PHACTR3: variants seen among roughly 807,000 people sequenced by gnomAD.
PHACTR3 encodes the protein phosphatase and actin regulator 3.
Under a neutral mutation model 66.8 loss-of-function variants are expected in PHACTR3, and 16 were observed. The ratio of observed to expected loss-of-function variants is 0.24; its 90% confidence interval spans 0.16 to 0.36. The LOEUF (loss-of-function observed/expected upper bound fraction) is 0.36. PHACTR3 is among the 10% of genes least tolerant of loss of function. The pLI is 1.00. For missense variants in PHACTR3, 647 were observed against 719.9 expected (o/e 0.90, Z 1.16); for synonymous variants, 323 against 292.1 (o/e 1.11, Z -1.08).
At chr20:59,702,096 T>C (rs1387538952) in intron 1 of PHACTR3, among the ~76,000 whole-genome samples, 1 of 152,278 alleles carries the variant, frequency 6.6e-6, no homozygotes, top group Non-Finnish European at 1.5e-5. Flanking sequence ...CCAATTTGTT[T>C]ATCCATTTAC....
chr20:59,797,321 T>C (rs2041277968), intron 7 of PHACTR3, among the ~76,000 whole-genome samples: 1 of 152,176 alleles, frequency 6.6e-6, no homozygotes, highest in Non-Finnish European at 1.5e-5. Context: ...TCTCATGCGA[T>C]TCATAAAGTT....
intron 1 of PHACTR3, among the ~76,000 whole-genome samples, chr20:59,633,960 T>A (rs2034759166): frequency 6.6e-6 from 1 of 152,228 alleles, no homozygotes; most frequent in Non-Finnish European, 1.5e-5. Flanking sequence ...TTCCAAAGAA[T>A]ATTTTCTCCC....
intron 1 of PHACTR3, among the ~76,000 whole-genome samples, chr20:59,708,282 T>G (rs2037786448): frequency 6.6e-6 from 1 of 152,198 alleles, no homozygotes; most frequent in Admixed American, 6.5e-5. Context: ...ATGGTGCCTG[T>G]GTCTCTCTAA....
intron 2 of PHACTR3, among the ~76,000 whole-genome samples, chr20:59,743,680 C>T (rs1047734542): frequency 6.6e-6 from 1 of 152,262 alleles, no homozygotes; most frequent in Admixed American, 6.5e-5. Flanking sequence ...CCTCACCTCC[C>T]ACACCTGCAA....
chr20:59,769,035 A>T (rs2040279036), intron 5 of PHACTR3, among the ~76,000 whole-genome samples: 1 of 152,096 alleles, frequency 6.6e-6, no homozygotes, highest in African/African-American at 2.4e-5. Flanking sequence ...CCACCCCACC[A>T]CCCTGAGACT....
At chr20:59,797,846 C>T (rs1337972516) in intron 7 of PHACTR3, among the ~76,000 whole-genome samples, 4 of 151,894 alleles carry the variant, frequency 2.6e-5, no homozygotes, top group Admixed American at 1.3e-4. Flanking sequence ...TGGTGTATCA[C>T]AATTTTTATA....
chr20:59,613,381 A>T (rs945781346), intron 1 of PHACTR3, among the ~76,000 whole-genome samples: 7 of 152,160 alleles, frequency 4.6e-5, no homozygotes, highest in African/African-American at 1.7e-4. Flanking sequence ...AGGCAGGACA[A>T]AGAGGGTAGG....
At chr20:59,722,416 G>A (rs1292678815) in intron 1 of PHACTR3, among the ~76,000 whole-genome samples, 1 of 152,150 alleles carries the variant, frequency 6.6e-6, no homozygotes, top group Non-Finnish European at 1.5e-5. Context: ...AAGGCCCTGA[G>A]GCAGCAACAA....
intron 8 of PHACTR3, among the ~76,000 whole-genome samples, chr20:59,827,858 G>C (rs1024064759): frequency 1.3e-5 from 2 of 152,176 alleles, no homozygotes; most frequent in South Asian, 4.1e-4. Context: ...GCTTCCTGGT[G>C]GAGTTGAAGT....
rs116602793 is a variant in PHACTR3, at chr20:59,726,596, G to A, written c.119-16511G>A. Among the ~76,000 whole-genome samples the A allele has an allele frequency of 2.3e-3, 344 of 152,222 alleles. 1 individual carries two copies. The highest frequency in any genetic ancestry group is 7.8e-3 in the African/African-American group (324 of 41,548). ...CTTGGTAGGGAGTTCCACAGGATGA[G>A]GACATGCTTTTTGTGTTTTTCTTTG... is the stretch of plus-strand genomic sequence containing the variant. On this transcript the variant is annotated intron_variant, in intron 1 of 12. Coordinates refer to ENST00000371015, the MANE Select transcript of PHACTR3 (RefSeq NM_080672.5).
At chr20:59,716,105 C>T (rs547250747) in intron 1 of PHACTR3, among the ~76,000 whole-genome samples, 10 of 152,214 alleles carry the variant, frequency 6.6e-5, no homozygotes, top group African/African-American at 2.4e-4. Flanking sequence ...GCTCACTCCA[C>T]TCCAGGGCTC....
At chr20:59,599,266 C>A (rs1163753014) in intron 1 of PHACTR3, among the ~76,000 whole-genome samples, 1 of 152,176 alleles carries the variant, frequency 6.6e-6, no homozygotes, top group East Asian at 1.9e-4. Context: ...AGACTACGAC[C>A]TCCCAGGCAC....
chr20:59,682,691 G>C (rs2036708401), intron 1 of PHACTR3, among the ~76,000 whole-genome samples: 1 of 152,356 alleles, frequency 6.6e-6, no homozygotes, highest in East Asian at 1.9e-4. Context: ...TGAAGGCGGT[G>C]AGGAAGTGAG....
chr20:59,821,281 G>A (rs1198627836), intron 8 of PHACTR3, among the ~76,000 whole-genome samples: 1 of 152,174 alleles, frequency 6.6e-6, no homozygotes, highest in Non-Finnish European at 1.5e-5. Flanking sequence ...TGGAATAGTT[G>A]CACAGGCGGT....
At chr20:59,823,713 C>T (rs1033910523) in intron 8 of PHACTR3, among the ~76,000 whole-genome samples, 1 of 152,128 alleles carries the variant, frequency 6.6e-6, no homozygotes, top group Non-Finnish European at 1.5e-5. Context: ...AGTTTTAAGG[C>T]CCCACCTCCC....
intron 1 of PHACTR3, among the ~76,000 whole-genome samples, chr20:59,632,389 G>C (rs899862578): frequency 3.9e-5 from 6 of 152,136 alleles, no homozygotes; most frequent in African/African-American, 1.4e-4. Context: ...CAGGCTTCAC[G>C]AATGAGAATC....
At chr20:59,717,632 C>A (rs189908804) in intron 1 of PHACTR3, among the ~76,000 whole-genome samples, 6 of 151,930 alleles carry the variant, frequency 3.9e-5, no homozygotes, top group Admixed American at 3.3e-4. Context: ...TGGAAACCCA[C>A]CCCCCAGCCC....
At chr20:59,612,915 C>A (rs1277108742) in intron 1 of PHACTR3, among the ~76,000 whole-genome samples, 1 of 152,170 alleles carries the variant, frequency 6.6e-6, no homozygotes, top group Non-Finnish European at 1.5e-5. Flanking sequence ...GGAGCCAGCA[C>A]ATCACACAGT....
At chr20:59,744,758 C>G (rs77855624) in intron 2 of PHACTR3, among the ~76,000 whole-genome samples, 3,704 of 152,370 alleles carry the variant, frequency 0.024, 155 homozygotes, top group African/African-American at 0.084. Flanking sequence ...TTCGGCAGAT[C>G]TTGAGCACCT....
Sources: gnomAD v4.1 joint callset for allele counts (sites outside exome capture counted in the v4.1 genomes callset) on GRCh38, gnomAD v4.1.1 for gene constraint, MANE v1.5 for transcripts, NCBI Gene and HGNC (gene_info 2026-07-23, HGNC 2026-07-21) for gene names.